The following SNX29 variants were observed in gnomAD, a reference collection of about 807,000 sequenced individuals.
The protein encoded by SNX29 is sorting nexin-29.
A neutral mutation model predicts 102.1 loss-of-function variants in SNX29; 78 were observed. The ratio of observed to expected loss-of-function variants is 0.76; its 90% CI spans 0.64 to 0.92. The LOEUF is 0.92. Ranked by LOEUF, SNX29 falls within the 40% of genes least tolerant of loss-of-function variation. SNX29 has a pLI of 0.00. For synonymous variants in SNX29, 580 were observed against 414.5 expected, an observed-to-expected ratio of 1.40 and a Z score of -4.85; for missense variants, 1,280 against 1,061.7, an observed-to-expected ratio of 1.21 and a Z score of -2.86.
chr16:12,236,474 G>T (rs1181975008), intron 14 of SNX29, among the ~76,000 whole-genome samples: 1 of 152,196 alleles, frequency 6.6e-6, no homozygotes, highest in Non-Finnish European at 1.5e-5. Context: ...TGCAATGGTT[G>T]GTGCCTAGAA....
At chr16:12,468,457 C>T (rs1011316075) in intron 18 of SNX29, among the ~76,000 whole-genome samples, 6 of 152,162 alleles carry the variant, frequency 3.9e-5, no homozygotes, top group African/African-American at 1.2e-4. Flanking sequence ...AGCCACCACG[C>T]GCAACCTCCA....
At chr16:12,514,823 C>T (rs925397278) in intron 19 of SNX29, among the ~76,000 whole-genome samples, 1 of 151,556 alleles carries the variant, frequency 6.6e-6, no homozygotes, top group South Asian at 2.1e-4. Flanking sequence ...CGAGATTGTG[C>T]CACTGCACTC....
chr16:12,398,674 C>G (rs2083814886), intron 17 of SNX29, among the ~76,000 whole-genome samples, 173 bp downstream of exon 17: 1 of 151,988 alleles, frequency 6.6e-6, no homozygotes, highest in African/African-American at 2.4e-5. Context: ...CAGTCTCGCC[C>G]TCAGATGTGT....
chr16:12,266,715 C>G (rs1250944743), intron 14 of SNX29, among the ~76,000 whole-genome samples: 1 of 150,140 alleles, frequency 6.7e-6, no homozygotes, highest in Non-Finnish European at 1.5e-5. Flanking sequence ...ATATCCCACT[C>G]AGACAACGTG....
intron 9 of SNX29, among the ~76,000 whole-genome samples, chr16:12,068,713 T>C (rs574950790): frequency 4.7e-4 from 72 of 151,984 alleles, no homozygotes; most frequent in Non-Finnish European, 9.1e-4. Flanking sequence ...CCCAGCTAAT[T>C]TTTGTATTTT....
chr16:12,270,999 C>T (rs895559242), intron 14 of SNX29, among the ~76,000 whole-genome samples: 10 of 152,016 alleles, frequency 6.6e-5, no homozygotes, highest in African/African-American at 2.4e-4. Context: ...GTCAAGATCG[C>T]GCCACTGCAC....
At chr16:12,322,406 A>G (rs1390282057) in intron 15 of SNX29, among the ~76,000 whole-genome samples, 1 of 152,212 alleles carries the variant, frequency 6.6e-6, no homozygotes, top group Non-Finnish European at 1.5e-5. Flanking sequence ...ATTCTGTCCC[A>G]TGTAAAGTAC....
At chr16:12,355,107 GTGGC>G (rs1163087103) in intron 15 of SNX29, among the ~76,000 whole-genome samples, 10 of 152,186 alleles carry the variant, frequency 6.6e-5, no homozygotes, top group Non-Finnish European at 1.0e-4. Flanking sequence ...AAGGGTCTAA[GTGGC>G]TTCTCTCACT....
intron 18 of SNX29, among the ~76,000 whole-genome samples, chr16:12,469,953 C>T (rs1295336013): frequency 6.6e-6 from 1 of 152,142 alleles, no homozygotes; most frequent in Non-Finnish European, 1.5e-5. Flanking sequence ...GCGGAGGTTG[C>T]AGTGAGCTGA....
chr16:12,223,554 C>T (rs2077532813), intron 14 of SNX29, among the ~76,000 whole-genome samples: 1 of 152,184 alleles, frequency 6.6e-6, no homozygotes. Flanking sequence ...GTCCCAGCTA[C>T]TCGGGAGGCT....
chr16:12,061,596 A>G lies in SNX29; in HGVS notation c.1193A>G (p.Asp398Gly), dbSNP rs1322664904. Residue 398 changes from aspartate (D) to glycine (G), a missense_variant, in exon 9 of 21, where the codon GAC (aspartate) becomes GGC (glycine). Transcript: ENST00000566228. ...SWAPLKVLHNDSDILFPVSGV... is the reference protein window; with the variant it reads ...SWAPLKVLHNGSDILFPVSGV... ...GCTCCGCTGAAGGTGCTGCACAATG[A>G]CTCCGACATCCTCTTCCCTGTCAGT... The G allele has an allele frequency of 6.2e-7, 1 of 1,611,788 alleles. No individual in the cohort carries two copies. The highest frequency in any genetic ancestry group is 8.5e-7 in the Non-Finnish European group (1 of 1,179,336).
chr16:12,157,744 G>A (rs2055612537), intron 13 of SNX29, among the ~76,000 whole-genome samples: 1 of 152,180 alleles, frequency 6.6e-6, no homozygotes, highest in Non-Finnish European at 1.5e-5. Flanking sequence ...CAAATTCCTT[G>A]CTGGGAGGGC....
intron 11 of SNX29, among the ~76,000 whole-genome samples, chr16:12,103,375 G>C (rs544775462): frequency 1.3e-5 from 2 of 152,178 alleles, no homozygotes; most frequent in Non-Finnish European, 2.9e-5. Context: ...CAGTGGAACA[G>C]AACAGAGGCC....
At position 12,571,893 on chromosome 16, in the gene SNX29, G is replaced by GC. The variant is rs1193785649; in HGVS notation, c.*3269dup. On this transcript the variant is annotated 3_prime_UTR_variant, in exon 21 of 21. Transcript: ENST00000566228. ...TTAGAGTTTGGAGCTGAGGTTCAAA[G>GC]CCCCCTGCATTTCTCTACTGGCAGG... 5.7e-6 allele frequency: 6 copies of GC among 1,061,744 alleles called. No individual in the cohort carries two copies. The Admixed American group carries it at 2.7e-4, about 48-fold the overall frequency. 65.8% of individuals were successfully genotyped at this position (1,061,744 alleles called of 1,614,324 possible).
rs1220423815 is a variant in SNX29 at position 12,569,364 on chromosome 16, T to TG, written c.*741dup. ...ACCTAGGCCCTCGCCAGGCTTGGAG[T>TG]GGGGGGACTCAGACATCTGGCCCAG... On this transcript the variant is annotated 3_prime_UTR_variant, in exon 21 of 21. Coordinates refer to ENST00000566228, the MANE Select transcript of SNX29 (RefSeq NM_032167.5). 3 of 229,986 alleles carry TG rather than the reference T, an allele frequency of 1.3e-5. No homozygotes were observed. Among genetic ancestry groups the TG allele is most frequent in the African/African-American group, 4.4e-5 (2 of 45,030 alleles). 14.2% of individuals were successfully genotyped at this position (229,986 alleles called of 1,614,324 possible).
intron 19 of SNX29, among the ~76,000 whole-genome samples, chr16:12,502,104 C>T (rs895253440): frequency 2.0e-5 from 3 of 152,210 alleles, no homozygotes; most frequent in Non-Finnish European, 4.4e-5. Flanking sequence ...TGCCTCCGAG[C>T]TGGGCAGGCA....
chr16:12,366,463 T>G (rs2151357601), intron 16 of SNX29, among the ~76,000 whole-genome samples: 1 of 152,342 alleles, frequency 6.6e-6, no homozygotes, highest in Non-Finnish European at 1.5e-5. Flanking sequence ...CATCAGAGCC[T>G]GCCTTATCTC....
chr16:12,118,313 C>CTTTTTTTTTTTTTT (rs869186902), intron 11 of SNX29, among the ~76,000 whole-genome samples: 1,342 of 86,114 alleles, frequency 0.016, 187 homozygotes, highest in African/African-American at 0.028. Context: ...TACAGACCAC[C>CTTTTTTTTTTTTTT]TTTTTTTTTT....
intron 14 of SNX29, among the ~76,000 whole-genome samples, chr16:12,270,305 T>G (rs1036465765): frequency 1.3e-5 from 2 of 152,224 alleles, no homozygotes; most frequent in South Asian, 4.1e-4. Context: ...CTTTACGAAT[T>G]GATTGGTTTA....
Sources: gnomAD v4.1 joint callset for allele counts (sites outside exome capture counted in the v4.1 genomes callset) on GRCh38, gnomAD v4.1.1 for gene constraint, MANE v1.5 for transcripts, NCBI Gene and HGNC (gene_info 2026-07-23, HGNC 2026-07-21) for gene names.